Variants in ERC1 observed in about 807,000 individuals in gnomAD.
ERC1 encodes ELKS/RAB6-interacting/CAST family member 1.
In ERC1, 56 loss-of-function variants were observed where a neutral mutation model predicts 132.0. The ratio of observed to expected loss-of-function variants is 0.42; its 90% CI spans 0.34 to 0.53. ERC1 has a LOEUF of 0.53. ERC1 is among the 20% of genes least tolerant of loss of function. The pLI is 0.03. For synonymous variants in ERC1, 478 were observed against 476.1 expected (o/e 1.00, Z -0.05); for missense variants, 1,202 against 1,349.9 (o/e 0.89, Z 1.72).
At chr12:1,389,943 T>A (rs191603296) in intron 16 of ERC1, among the ~76,000 whole-genome samples, 42 of 152,320 alleles carry the variant, frequency 2.8e-4, no homozygotes, top group African/African-American at 1.0e-3. Context: ...AGTAGGTTAA[T>A]CTCTCCATTT....
At chr12:1,338,941 A>G (rs894696481) in intron 15 of ERC1, among the ~76,000 whole-genome samples, 1 of 152,190 alleles carries the variant, frequency 6.6e-6, no homozygotes, top group Admixed American at 6.5e-5. Flanking sequence ...GAAGTGCTCC[A>G]CGATCACTGG....
At position 1,490,673 on chromosome 12, in the gene ERC1, T is replaced by C. The variant is rs2094309463; in HGVS notation, c.*443T>C. On this transcript the variant is annotated 3_prime_UTR_variant, in exon 19 of 19. Transcript: ENST00000360905. ...AGAGCTGAGTGTTCTAATATCACAA[T>C]AGGTGCTTTCTCCTAAAAGGGCAAA... The C allele has an allele frequency of 8.4e-6, 2 of 237,404 alleles. No individual in the cohort carries two copies. Among genetic ancestry groups the C allele is most frequent in the East Asian group, 1.2e-4 (2 of 16,650 alleles). The allele number at this position is 237,404 out of a possible 1,614,324, so 14.7% of individuals were successfully genotyped here.
chr12:1,288,325 G>A (rs758384035), intron 14 of ERC1, among the ~76,000 whole-genome samples: 6 of 152,172 alleles, frequency 3.9e-5, no homozygotes, highest in Non-Finnish European at 7.3e-5. Context: ...ATGTTGGCCA[G>A]GCTAGTCTCG....
At chr12:1,293,080 G>T (rs1207611552) in intron 15 of ERC1, among the ~76,000 whole-genome samples, 1 of 150,330 alleles carries the variant, frequency 6.7e-6, no homozygotes, top group South Asian at 2.1e-4. Context: ...GAAGGCGGAG[G>T]TTGCAGTGAG....
chr12:1,056,673 T>A (rs1973033120), intron 2 of ERC1, among the ~76,000 whole-genome samples: 1 of 152,158 alleles, frequency 6.6e-6, no homozygotes, highest in African/African-American at 2.4e-5. Flanking sequence ...GCGCAGTGTC[T>A]GTTTCTTTAC....
At chr12:1,372,962 T>C (rs2087424573) in intron 16 of ERC1, among the ~76,000 whole-genome samples, 1 of 152,240 alleles carries the variant, frequency 6.6e-6, no homozygotes, top group African/African-American at 2.4e-5. Flanking sequence ...TTAAAACTGC[T>C]TAGAAATAGT....
intron 14 of ERC1, among the ~76,000 whole-genome samples, chr12:1,289,084 TACACAC>T (rs57334239): frequency 0.098 from 10,108 of 102,722 alleles, 545 homozygotes; most frequent in Middle Eastern, 0.12. Flanking sequence ...ATCTGGTATG[TACACAC>T]ACACACACAC....
intron 8 of ERC1, among the ~76,000 whole-genome samples, chr12:1,157,534 T>G (rs1951518677): frequency 6.6e-6 from 1 of 152,236 alleles, no homozygotes. Context: ...CCTTCTCTTC[T>G]GATTTGAAAT....
chr12:1,078,271 A>AT (rs1318961954), intron 2 of ERC1, among the ~76,000 whole-genome samples: 2 of 152,018 alleles, frequency 1.3e-5, no homozygotes, highest in African/African-American at 2.4e-5. Context: ...GAGTGTCAGG[A>AT]TTTTTTTTGA....
chr12:1,137,910 T>A (rs1949419055), intron 7 of ERC1, among the ~76,000 whole-genome samples: 1 of 141,306 alleles, frequency 7.1e-6, no homozygotes, highest in Non-Finnish European at 1.5e-5. Context: ...ATTATTTATA[T>A]GTATTATATA....
At chr12:1,308,770 G>T (rs553769457) in intron 15 of ERC1, among the ~76,000 whole-genome samples, 1 of 152,286 alleles carries the variant, frequency 6.6e-6, no homozygotes, top group East Asian at 1.9e-4. Flanking sequence ...TTCATTTCTT[G>T]TTCCACGCTA....
At chr12:1,360,303 G>A (rs2085963160) in intron 15 of ERC1, among the ~76,000 whole-genome samples, 1 of 152,188 alleles carries the variant, frequency 6.6e-6, no homozygotes, top group South Asian at 2.1e-4. Context: ...ATGAAGCTTG[G>A]CTATGAAGTA....
chr12:1,153,075 C>G (rs1163322899), intron 8 of ERC1: 1 of 152,368 alleles, frequency 6.6e-6, no homozygotes, highest in East Asian at 1.9e-4. Flanking sequence ...AGGGAGCTTT[C>G]TCTTCCACAG....
chr12:1,490,210 G>A lies in ERC1; in HGVS notation c.3331G>A (p.Ala1111Thr), dbSNP rs749315393. The A allele has an allele frequency of 8.1e-6, 13 of 1,613,980 alleles. No homozygotes were observed. Among genetic ancestry groups the A allele is most frequent in the East Asian group, 4.5e-5 (2 of 44,890 alleles). ...CPDILEQVVN[A>T]LEESS is the part of the protein sequence containing the mutation. ...CGACATCCTAGAGCAAGTGGTCAACGCCCTGGAAGAGTCCTCTTGACCCTG... is the reference window on the plus strand; with the variant it reads ...CGACATCCTAGAGCAAGTGGTCAACACCCTGGAAGAGTCCTCTTGACCCTG... The change falls in exon 19 of 19, where the codon GCC (alanine) becomes ACC (threonine). Residue 1111 changes from alanine to threonine, a missense_variant. Physicochemically the swap from Ala to Thr is moderately conservative, Grantham distance 58 (BLOSUM62 0). Coordinates refer to ENST00000360905, the MANE Select transcript of ERC1 (RefSeq NM_178040.4).
In ERC1 at chr12:1,112,285, G is replaced by C. The variant is rs1198011013; in HGVS notation, c.1388G>C (p.Gly463Ala). 1 of 1,612,860 alleles carries C rather than the reference G, an allele frequency of 6.2e-7. No individual in the cohort carries two copies. The highest frequency in any genetic ancestry group is 1.1e-5 in the South Asian group (1 of 91,064). Reference protein sequence around the residue: ...QWEELKKKAAGLQAEIGQVKQ... With the variant: ...QWEELKKKAAALQAEIGQVKQ... ...GAGGAGCTGAAAAAGAAAGCGGCTG[G>C]TCTTCAGGCTGAGGTCTTTGCCGTA... The change falls in exon 6 of 19, where the codon GGT becomes GCT. Residue 463 changes from glycine (G) to alanine (A), a missense_variant. By Grantham distance (60) the Gly-to-Ala change is moderately conservative. Transcript: ENST00000360905.
chr12:1,284,753 T>G (rs565876502), intron 14 of ERC1, among the ~76,000 whole-genome samples: 3 of 152,156 alleles, frequency 2.0e-5, no homozygotes, highest in Non-Finnish European at 4.4e-5. Context: ...TCACTGCAGC[T>G]GCAAACTCCT....
intron 15 of ERC1, among the ~76,000 whole-genome samples, chr12:1,324,852 A>G (rs1157287194): frequency 1.3e-5 from 2 of 152,186 alleles, no homozygotes; most frequent in African/African-American, 4.8e-5. Context: ...TTCTTCAGGT[A>G]TCATGAAAGT....
At chr12:1,303,067 AT>A (rs1566534027) in intron 15 of ERC1, among the ~76,000 whole-genome samples, 7 of 152,204 alleles carry the variant, frequency 4.6e-5, no homozygotes, top group Admixed American at 2.6e-4. Flanking sequence ...TTTAAAAAAA[AT>A]TCTCCTGATC....
At chr12:1,293,260 C>G (rs989285592) in intron 15 of ERC1, among the ~76,000 whole-genome samples, 2 of 151,208 alleles carry the variant, frequency 1.3e-5, no homozygotes, top group Non-Finnish European at 3.0e-5. Context: ...TGAGACCATC[C>G]TGGCTAACAC....
Sources: gnomAD v4.1 joint callset for allele counts (sites outside exome capture counted in the v4.1 genomes callset) on GRCh38, gnomAD v4.1.1 for gene constraint, MANE v1.5 for transcripts, NCBI Gene and HGNC (gene_info 2026-07-23, HGNC 2026-07-21) for gene names.